The following SASH1 variants were observed in gnomAD, a reference collection of about 807,000 sequenced individuals.
SASH1 encodes the protein SAM and SH3 domain-containing protein 1.
In SASH1, 44 loss-of-function variants were observed where a neutral mutation model predicts 125.2. That is an observed-to-expected ratio of 0.35 (90% confidence interval 0.28 to 0.45). SASH1 has a LOEUF of 0.45. Among genes scored for constraint, SASH1 ranks in the 20% least tolerant of loss-of-function variants. The probability of loss-of-function intolerance (pLI) is 1.00; values close to 1 mark genes in which losing one functional copy is unlikely to be tolerated. For missense variants in SASH1, 1,426 were observed against 1,614.5 expected, an observed-to-expected ratio of 0.88 and a Z score of 2.00; for synonymous variants, 639 against 649.1, an observed-to-expected ratio of 0.98 and a Z score of 0.24.
intron 1 of SASH1, among the ~76,000 whole-genome samples, chr6:148,303,719 C>T (rs1042993837): frequency 6.7e-6 from 1 of 149,470 alleles, no homozygotes; most frequent in Admixed American, 6.7e-5. Context: ...CGCTAGAACT[C>T]GGGAGGTGGA....
chr6:148,489,517 A>G (rs990382376), intron 8 of SASH1, among the ~76,000 whole-genome samples: 1 of 152,082 alleles, frequency 6.6e-6, no homozygotes, highest in African/African-American at 2.4e-5. Flanking sequence ...TATCGTTGGG[A>G]TATTGATAGG....
intron 10 of SASH1, among the ~76,000 whole-genome samples, chr6:148,524,032 T>C (rs2115369063): frequency 6.6e-6 from 1 of 151,058 alleles, no homozygotes. Flanking sequence ...GCATCTAGAT[T>C]TCTGTGATTT....
the SASH1 span, among the ~76,000 whole-genome samples, chr6:148,205,744 G>T: frequency 6.6e-6 from 1 of 152,164 alleles, no homozygotes. Flanking sequence ...TAACCCTGCT[G>T]TCTGGTGGGC....
At chr6:148,344,079 G>C (rs74432112) in intron 1 of SASH1, among the ~76,000 whole-genome samples, 1 of 152,318 alleles carries the variant, frequency 6.6e-6, no homozygotes, top group East Asian at 1.9e-4. Flanking sequence ...TTTTGAGTGG[G>C]AGGAGATGGA....
At chr6:148,315,375 T>C (rs968555497) in intron 1 of SASH1, among the ~76,000 whole-genome samples, 9 of 152,216 alleles carry the variant, frequency 5.9e-5, no homozygotes, top group Non-Finnish European at 1.2e-4. Context: ...TTGACCCCAT[T>C]TAATAACTAA....
At chr6:148,453,700 T>C (rs1475435307) in intron 4 of SASH1, among the ~76,000 whole-genome samples, 1 of 152,156 alleles carries the variant, frequency 6.6e-6, no homozygotes, top group African/African-American at 2.4e-5. Flanking sequence ...CCTGGAAAGA[T>C]GAGTAAGATA....
chr6:148,440,113 C>A, intron 2 of SASH1, 71 bp from the exon 3 acceptor site: 2 of 1,426,076 alleles, frequency 1.4e-6, no homozygotes, highest in Non-Finnish European at 2.0e-6. Context: ...TCTCTTCTTA[C>A]ATGTCTATTT....
chr6:148,311,298 G>C (rs1467439454), intron 1 of SASH1, among the ~76,000 whole-genome samples: 1 of 151,456 alleles, frequency 6.6e-6, no homozygotes, highest in African/African-American at 2.4e-5. Context: ...GTAGAGACAG[G>C]GTTTCACCAT....
At chr6:148,485,718 C>T (rs997100611) in intron 7 of SASH1, among the ~76,000 whole-genome samples, 2 of 152,170 alleles carry the variant, frequency 1.3e-5, no homozygotes, top group African/African-American at 2.4e-5. Context: ...AAAAGAATTT[C>T]GCAGGTTGAA....
At chr6:148,401,214 A>G (rs921948316) in intron 2 of SASH1, among the ~76,000 whole-genome samples, 1 of 151,316 alleles carries the variant, frequency 6.6e-6, no homozygotes, top group Non-Finnish European at 1.5e-5. Context: ...AGATTGCACC[A>G]CTGCAATTCA....
chr6:148,229,155 A>AAAC, the SASH1 span, among the ~76,000 whole-genome samples: 13 of 148,812 alleles, frequency 8.7e-5, no homozygotes, highest in Non-Finnish European at 1.8e-4. Flanking sequence ...AAAAAAAAAA[A>AAAC]AACACTTAAC....
intron 4 of SASH1, among the ~76,000 whole-genome samples, chr6:148,458,440 A>G (rs2115068028): frequency 6.6e-6 from 1 of 152,320 alleles, no homozygotes; most frequent in Non-Finnish European, 1.5e-5. Flanking sequence ...TAAGTAAGAA[A>G]GAAAATGAAC....
chr6:148,423,713 T>C (rs1775677164), intron 2 of SASH1, among the ~76,000 whole-genome samples: 1 of 152,130 alleles, frequency 6.6e-6, no homozygotes, highest in Non-Finnish European at 1.5e-5. Flanking sequence ...TCAGTGACTG[T>C]TTTTTTATAC....
chr6:148,294,591 T>C (rs981325255), intron 1 of SASH1, among the ~76,000 whole-genome samples: 1 of 152,216 alleles, frequency 6.6e-6, no homozygotes, highest in Non-Finnish European at 1.5e-5. Context: ...GCTACTGTTC[T>C]ATTTATTATT....
chr6:148,236,114 A>G, the SASH1 span, among the ~76,000 whole-genome samples: 1 of 152,192 alleles, frequency 6.6e-6, no homozygotes, highest in Non-Finnish European at 1.5e-5. Flanking sequence ...TGGGTAGGAA[A>G]TGGTGGCATG....
intron 2 of SASH1, among the ~76,000 whole-genome samples, chr6:148,412,508 G>C (rs1784669294): frequency 1.3e-5 from 2 of 152,182 alleles, no homozygotes; most frequent in Non-Finnish European, 2.9e-5. Flanking sequence ...AGTTTGCAAT[G>C]AGTTCCCTAA....
chr6:148,531,106 T>G (rs1230472749), intron 12 of SASH1, among the ~76,000 whole-genome samples: 2 of 152,210 alleles, frequency 1.3e-5, no homozygotes, highest in African/African-American at 2.4e-5. Context: ...AAGTGCATGT[T>G]TCCTATCCAA....
intron 4 of SASH1, among the ~76,000 whole-genome samples, chr6:148,443,137 T>A (rs1373467043): frequency 1.6e-5 from 1 of 60,952 alleles, no homozygotes; most frequent in Non-Finnish European, 3.2e-5. Context: ...AATCCAGCAC[T>A]TTTTAGAAAA....
chr6:148,253,349 C>A, the SASH1 span, among the ~76,000 whole-genome samples: 1 of 152,050 alleles, frequency 6.6e-6, no homozygotes, highest in Non-Finnish European at 1.5e-5. Flanking sequence ...ACAAATAATG[C>A]TAGGTAACTG....
Sources: gnomAD v4.1 joint callset for allele counts (sites outside exome capture counted in the v4.1 genomes callset) on GRCh38, gnomAD v4.1.1 for gene constraint, MANE v1.5 for transcripts, NCBI Gene and HGNC (gene_info 2026-07-23, HGNC 2026-07-21) for gene names.